The following NRXN1 variants were observed in gnomAD, a reference collection of about 807,000 sequenced individuals.
NRXN1 encodes the protein neurexin 1, also known as neurexin-1.
A neutral mutation model predicts 150.9 loss-of-function variants in NRXN1; 39 were observed. The observed-to-expected ratio is 0.26, with a 90% confidence interval of 0.20 to 0.34. The LOEUF (loss-of-function observed/expected upper bound fraction) is 0.34. Among genes scored for constraint, NRXN1 ranks in the 10% least tolerant of loss-of-function variants. NRXN1 has a pLI of 1.00. For synonymous variants in NRXN1, 924 were observed against 757.0 expected, an observed-to-expected ratio of 1.22 and a Z score of -3.62; for missense variants, 1,815 against 1,949.9, an observed-to-expected ratio of 0.93 and a Z score of 1.30.
At chr2:50,403,855 T>A (rs2082561319) in intron 17 of NRXN1, among the ~76,000 whole-genome samples, 23 of 152,058 alleles carry the variant, frequency 1.5e-4, no homozygotes, top group Admixed American at 1.5e-3. Flanking sequence ...GTTTGAAAAA[T>A]CTAAGAGGGC....
intron 18 of NRXN1, chr2:50,105,128 C>T (rs751143611): frequency 6.6e-6 from 1 of 152,016 alleles, no homozygotes; most frequent in South Asian, 2.1e-4. Flanking sequence ...TCATGATCCC[C>T]TAGAAGTAGT....
At chr2:50,959,679 A>G (rs1692841084) in intron 2 of NRXN1, among the ~76,000 whole-genome samples, 1 of 152,016 alleles carries the variant, frequency 6.6e-6, no homozygotes, top group Admixed American at 6.6e-5. Flanking sequence ...CAGCTGCACA[A>G]TCTTCGGAAT....
intron 18 of NRXN1, among the ~76,000 whole-genome samples, chr2:50,179,650 A>T (rs955560862): frequency 1.3e-5 from 2 of 152,198 alleles, no homozygotes; most frequent in African/African-American, 4.8e-5. Flanking sequence ...ACATGCTACC[A>T]ATCTATGACC....
At position 50,996,039 on chromosome 2, in the gene NRXN1, C is replaced by T. The variant is rs117332212; in HGVS notation, c.772+31463G>A. Among the ~76,000 whole-genome samples, 10 of 152,138 alleles carry T rather than the reference C, an allele frequency of 6.6e-5. No homozygotes were observed. In the East Asian group the frequency reaches 1.6e-3, roughly 24 times the overall value. On this transcript the variant is annotated intron_variant, in intron 2 of 22. Transcript: ENST00000401669. ...TTATGGAGGGGAAAAGTCTTGCCTA[C>T]GTGGAATATCTATGACTTTGATAAT...
chr2:50,925,651 G>C (rs554654601), intron 3 of NRXN1, among the ~76,000 whole-genome samples: 17 of 152,000 alleles, frequency 1.1e-4, no homozygotes, highest in African/African-American at 4.1e-4. Context: ...AAAAAAAGCA[G>C]AATTGTTATC....
chr2:50,314,208 G>C (rs2075406586), intron 17 of NRXN1, among the ~76,000 whole-genome samples: 1 of 152,038 alleles, frequency 6.6e-6, no homozygotes, highest in African/African-American at 2.4e-5. Context: ...GGAATGCTAA[G>C]AAATGCTAGT....
At chr2:50,253,297 TAAG>T (rs1200825921) in intron 17 of NRXN1, among the ~76,000 whole-genome samples, 1 of 152,194 alleles carries the variant, frequency 6.6e-6, no homozygotes, top group African/African-American at 2.4e-5. Context: ...TTTATCAGCT[TAAG>T]AAGATTTTGG....
chr2:50,527,865 C>A (rs900228953), intron 12 of NRXN1, among the ~76,000 whole-genome samples: 4 of 152,128 alleles, frequency 2.6e-5, no homozygotes, highest in African/African-American at 2.4e-5. Flanking sequence ...GTGTTGTGAT[C>A]ATTGGAGATT....
At chr2:50,774,228 G>A (rs979348450) in intron 5 of NRXN1, among the ~76,000 whole-genome samples, 3 of 151,916 alleles carry the variant, frequency 2.0e-5, no homozygotes, top group East Asian at 1.9e-4. Context: ...TATCTAAAGC[G>A]ACATTCCTTT....
chr2:50,962,893 G>C (rs1442994328), intron 2 of NRXN1, among the ~76,000 whole-genome samples: 1 of 151,450 alleles, frequency 6.6e-6, no homozygotes, highest in Admixed American at 6.6e-5. Flanking sequence ...CACATGTTTA[G>C]CATTAAAGAA....
chr2:50,406,042 G>C (rs1403074791), intron 17 of NRXN1, among the ~76,000 whole-genome samples: 1 of 152,068 alleles, frequency 6.6e-6, no homozygotes, highest in Non-Finnish European at 1.5e-5. Context: ...TCAAGATTAA[G>C]TTTAGGTAGT....
chr2:50,002,149 G>C lies in NRXN1; in HGVS notation c.4128+51122C>G, dbSNP rs1684053399. On this transcript the variant is annotated intron_variant, in intron 21 of 22. Transcript: ENST00000401669. Reference sequence around the variant, plus strand: ...TAGTGAGAGCCAAGCAGAGGACTTAGTTAACCTGTGCCCCGACTTCAGTCA... The same window carrying C: ...TAGTGAGAGCCAAGCAGAGGACTTACTTAACCTGTGCCCCGACTTCAGTCA... Among the ~76,000 whole-genome samples the C allele has an allele frequency of 3.9e-5, 6 of 152,008 alleles. No individual in the cohort carries two copies. In the South Asian group the frequency reaches 1.2e-3, roughly 32 times the overall value.
In NRXN1 at chr2:50,274,538, T is replaced by C. The variant is rs1253440396; in HGVS notation, c.3365-37568A>G. On this transcript the variant is annotated intron_variant, in intron 17 of 22. Coordinates refer to ENST00000401669, the MANE Select transcript of NRXN1 (RefSeq NM_001330078.2). ...GTAACAAATCTGCACATTCTGCACA[T>C]GTATCCCAGAACTTAGAGTATAATT... is the stretch of plus-strand genomic sequence containing the variant. 2.0e-5 allele frequency among the ~76,000 whole-genome samples: 3 copies of C among 152,074 alleles called. No individual in the cohort carries two copies. In the East Asian group the frequency reaches 5.8e-4, roughly 29 times the overall value.
intron 17 of NRXN1, among the ~76,000 whole-genome samples, chr2:50,440,067 G>A (rs12613343): frequency 3.9e-5 from 6 of 152,028 alleles, no homozygotes; most frequent in African/African-American, 1.4e-4. Flanking sequence ...AAAGATTTAC[G>A]GACACTTCAA....
intron 17 of NRXN1, among the ~76,000 whole-genome samples, chr2:50,281,794 G>A (rs1038968004): frequency 2.6e-5 from 4 of 152,122 alleles, no homozygotes; most frequent in Admixed American, 1.3e-4. Context: ...CTATGATCTT[G>A]AAGTTTCAGT....
chr2:50,278,241 A>AATAT lies in NRXN1; in HGVS notation c.3365-41275_3365-41272dup, dbSNP rs539556643. 2.9e-4 allele frequency among the ~76,000 whole-genome samples: 35 copies of AATAT among 122,622 alleles called. 1 individual carries two copies. The highest frequency in any genetic ancestry group is 9.8e-4 in the African/African-American group (31 of 31,484). The allele number at this position is 122,622 out of a possible 152,430, so 80.4% of individuals were successfully genotyped here. A position where few individuals can be genotyped will look rare whatever the true frequency, so the allele number is the denominator to read the frequency against. ...CCACACCTGGCTTTTATATATATAT[A>AATAT]ATATATATATATATTATATATATTA... is the stretch of plus-strand genomic sequence containing the variant. On this transcript the variant is annotated intron_variant, in intron 17 of 22. Coordinates refer to ENST00000401669, the MANE Select transcript of NRXN1 (RefSeq NM_001330078.2).
chr2:50,929,252 A>C (rs1266384251), intron 2 of NRXN1, among the ~76,000 whole-genome samples: 1 of 152,112 alleles, frequency 6.6e-6, no homozygotes, highest in African/African-American at 2.4e-5. Flanking sequence ...ATACAAAAAC[A>C]AATGTGCTTG....
chr2:50,328,812 T>A lies in NRXN1; in HGVS notation c.3365-91842A>T, dbSNP rs116385199. ...GTCACCGCTATAAACTTCTGTCACC[T>A]CTCCTAAATTCCAAAACCTCACTAT... On this transcript the variant is annotated intron_variant, in intron 17 of 22. Coordinates refer to ENST00000401669, the MANE Select transcript of NRXN1 (RefSeq NM_001330078.2). 5.7e-3 allele frequency among the ~76,000 whole-genome samples: 869 copies of A among 152,218 alleles called. 8 individuals carry two copies. Among genetic ancestry groups the A allele is most frequent in the African/African-American group, 0.02 (826 of 41,536 alleles).
At position 50,505,413 on chromosome 2, in the gene NRXN1, T is replaced by C. The variant is rs866508612; in HGVS notation, c.2497+1082A>G. ...TCAGAGATTTTAAAATGTTCTGTTGTAGTTCTGGCATGATCTTGCCGTTGG... is the reference window on the plus strand; with the variant it reads ...TCAGAGATTTTAAAATGTTCTGTTGCAGTTCTGGCATGATCTTGCCGTTGG... On this transcript the variant is annotated intron_variant, in intron 13 of 22. Coordinates refer to ENST00000401669, the MANE Select transcript of NRXN1 (RefSeq NM_001330078.2). 2.0e-5 allele frequency among the ~76,000 whole-genome samples: 3 copies of C among 152,202 alleles called. No homozygotes were observed. In the East Asian group the frequency reaches 5.8e-4, roughly 29 times the overall value.
Sources: gnomAD v4.1 joint callset for allele counts (sites outside exome capture counted in the v4.1 genomes callset) on GRCh38, gnomAD v4.1.1 for gene constraint, MANE v1.5 for transcripts, NCBI Gene and HGNC (gene_info 2026-07-23, HGNC 2026-07-21) for gene names.